The following ANKRD36B variants were observed in gnomAD, a reference collection of about 807,000 sequenced individuals.
ANKRD36B encodes ankyrin repeat domain 36B.
A neutral mutation model predicts 135.7 loss-of-function variants in ANKRD36B; 37 were observed. The ratio of observed to expected loss-of-function variants is 0.27; its 90% CI spans 0.21 to 0.36. The LOEUF (loss-of-function observed/expected upper bound fraction) is 0.36. ANKRD36B is among the 10% of genes least tolerant of loss of function. The probability of loss-of-function intolerance (pLI) is 1.00; values close to 1 mark genes in which losing one functional copy is unlikely to be tolerated. For missense variants in ANKRD36B, 549 were observed against 1,037.1 expected (o/e 0.53, Z 6.46); for synonymous variants, 179 against 348.1 (o/e 0.51, Z 5.41).
intron 5 of ANKRD36B, among the ~76,000 whole-genome samples, chr2:97,577,394 C>CT (rs2082303640): frequency 8.4e-6 from 1 of 118,674 alleles, no homozygotes; most frequent in Admixed American, 9.2e-5. Context: ...CCATGTGTTA[C>CT]TTATCTCCAT....
At chr2:97,553,045 C>T in intron 16 of ANKRD36B, 123 bp downstream of exon 16, 1 of 1,209,086 alleles carries the variant, frequency 8.3e-7, no homozygotes, top group Admixed American at 2.6e-5. Context: ...ACTCTCAGAC[C>T]TGCTGGATCA....
At chr2:97,582,368 A>G (rs2082687146) in intron 3 of ANKRD36B, among the ~76,000 whole-genome samples, 1 of 151,728 alleles carries the variant, frequency 6.6e-6, no homozygotes, top group Non-Finnish European at 1.5e-5. Flanking sequence ...AAAACCTTGA[A>G]ATATTTACTA....
intron 35 of ANKRD36B, among the ~76,000 whole-genome samples, chr2:97,531,411 TG>T (rs2078592084): frequency 5.4e-5 from 1 of 18,460 alleles, no homozygotes; most frequent in Admixed American, 6.9e-4. Flanking sequence ...TGTTGTGGGG[TG>T]GGGGGAGGGG....
chr2:97,563,635 C>T (rs1559202914), intron 6 of ANKRD36B, among the ~76,000 whole-genome samples: 1 of 152,036 alleles, frequency 6.6e-6, no homozygotes, highest in Non-Finnish European at 1.5e-5. Context: ...AACACTTTGA[C>T]CATCGGCCAT....
intron 8 of ANKRD36B, among the ~76,000 whole-genome samples, 198 bp from the exon 9 acceptor site, chr2:97,559,192 ACC>A (rs2080800808): frequency 6.6e-6 from 1 of 151,784 alleles, no homozygotes; most frequent in African/African-American, 2.4e-5. Context: ...CACAAAATAT[ACC>A]CTTACAATTT....
chr2:97,494,108 G>T (rs564286343), intron 43 of ANKRD36B, among the ~76,000 whole-genome samples: 1 of 106,816 alleles, frequency 9.4e-6, no homozygotes, highest in South Asian at 2.2e-4. Context: ...GCATTATCAG[G>T]TGTTTTTATA....
chr2:97,574,796 C>A (rs1040148059), intron 6 of ANKRD36B, among the ~76,000 whole-genome samples: 2 of 151,908 alleles, frequency 1.3e-5, no homozygotes, highest in African/African-American at 2.4e-5. Context: ...GATAAGAAGA[C>A]CACAGTTTTT....
At chr2:97,587,244 A>G (rs190992338) in intron 1 of ANKRD36B, among the ~76,000 whole-genome samples, 159 of 152,320 alleles carry the variant, frequency 1.0e-3, no homozygotes, top group South Asian at 3.7e-3. Context: ...TGCAAGATTT[A>G]TATTTCTTCT....
intron 6 of ANKRD36B, among the ~76,000 whole-genome samples, chr2:97,566,699 G>A (rs2104836854): frequency 6.6e-6 from 1 of 152,216 alleles, no homozygotes; most frequent in Non-Finnish European, 1.5e-5. Context: ...CAAAGAACAT[G>A]ATTTCTGGAC....
In ANKRD36B at chr2:97,589,669, G is replaced by A; in HGVS notation, c.17C>T (p.Ser6Leu). 2.5e-6 allele frequency: 4 copies of A among 1,614,178 alleles called. No individual in the cohort carries two copies. Among genetic ancestry groups the A allele is most frequent in the Non-Finnish European group, 3.4e-6 (4 of 1,180,024 alleles). Residue 6 changes from serine to leucine, a missense_variant, in exon 1 of 44, where the codon TCG (serine) becomes TTG (leucine). Physicochemically the swap from Ser to Leu is moderately radical, Grantham distance 145 (BLOSUM62 -2). Coordinates refer to ENST00000359901, the MANE Select transcript of ANKRD36B (RefSeq NM_001393939.1). The stretch of plus-strand genomic sequence containing the variant: ...GTAATGGGGAAATGCGAAGCCATCC[G>A]AGCACAAGCGCTCCATGAGGGTGGG... MERLC[S>L]DGFAFPHYYI...
At chr2:97,551,392 A>G (rs1307238874) in intron 17 of ANKRD36B, 31 bp from the exon 18 acceptor site, 1 of 1,604,294 alleles carries the variant, frequency 6.2e-7, no homozygotes, top group East Asian at 2.2e-5. Context: ...AATAATAAAT[A>G]AGGTATGTTT....
At chr2:97,565,537 C>G (rs1267634549) in intron 6 of ANKRD36B, among the ~76,000 whole-genome samples, 2 of 152,136 alleles carry the variant, frequency 1.3e-5, no homozygotes, top group African/African-American at 4.8e-5. Context: ...AAAAAGTGGG[C>G]AAAGGATATG....
Position 97,578,936 on chromosome 2 carries a change from T to C in ANKRD36B, c.665A>G (p.Glu222Gly), listed in dbSNP as rs1441346969. 1 of 1,612,902 alleles carries C rather than the reference T, an allele frequency of 6.2e-7. No homozygotes were observed. The highest frequency in any genetic ancestry group is 1.3e-5 in the African/African-American group (1 of 74,888). The change falls in exon 5 of 44, where the codon GAA becomes GGA. Residue 222 changes from glutamate to glycine, a missense_variant. Coordinates refer to ENST00000359901, the MANE Select transcript of ANKRD36B (RefSeq NM_001393939.1). ...FSRDVYGKLAEDYASEAENRV... is the reference protein window; with the variant it reads ...FSRDVYGKLAGDYASEAENRV... Reference sequence around the variant, plus strand: ...ATTCTCAGCCTCACTGGCATAATCTTCTGCAAGCTTTCCATACACATCTCG... The same window carrying C: ...ATTCTCAGCCTCACTGGCATAATCTCCTGCAAGCTTTCCATACACATCTCG...
At chr2:97,585,465 T>C (rs2082914095) in intron 1 of ANKRD36B, 67 bp from the exon 2 acceptor site, 3 of 1,496,310 alleles carry the variant, frequency 2.0e-6, no homozygotes, top group Non-Finnish European at 2.7e-6. Context: ...TATTTCTCTG[T>C]CTTCAAAACA....
chr2:97,573,712 C>T (rs1185756341), intron 6 of ANKRD36B, among the ~76,000 whole-genome samples: 12 of 152,168 alleles, frequency 7.9e-5, no homozygotes, highest in Admixed American at 3.3e-4. Flanking sequence ...TGGAACAGAA[C>T]AGAGCCATCA....
intron 20 of ANKRD36B, 25 bp downstream of exon 20, chr2:97,549,393 GA>G: frequency 6.5e-7 from 1 of 1,541,802 alleles, no homozygotes; most frequent in Non-Finnish European, 8.7e-7. Context: ...GACTGAACAT[GA>G]CATTAAATCT....
chr2:97,557,198 G>A, intron 10 of ANKRD36B, 66 bp from the exon 11 acceptor site: 1 of 1,494,704 alleles, frequency 6.7e-7, no homozygotes. Context: ...ATACATTCAT[G>A]CAGTGTTAGC....
At chr2:97,535,013 G>C (rs572717247) in intron 34 of ANKRD36B, among the ~76,000 whole-genome samples, 1 of 96,018 alleles carries the variant, frequency 1.0e-5, no homozygotes, top group South Asian at 2.4e-4. Context: ...CCTCTCATTC[G>C]CAATGACATG....
At position 97,580,658 on chromosome 2, in the gene ANKRD36B, T is replaced by C. The variant is rs890471659; in HGVS notation, c.451-90A>G. ...TTATGTAAGATCCTGTGAGCTTCAA[T>C]ATATACAATTGAAAGGTCGTAAGAG... On this transcript the variant is annotated intron_variant, in intron 3 of 43. Coordinates refer to ENST00000359901, the MANE Select transcript of ANKRD36B (RefSeq NM_001393939.1). The C allele has an allele frequency of 6.6e-5, 82 of 1,241,160 alleles. No individual in the cohort carries two copies. In the African/African-American group the frequency reaches 1.2e-3, roughly 19 times the overall value. 76.9% of individuals were successfully genotyped at this position (1,241,160 alleles called of 1,614,324 possible). A position where few individuals can be genotyped will look rare whatever the true frequency, so the allele number is the denominator to read the frequency against.
Sources: allele counts gnomAD v4.1 joint callset (sites outside exome capture counted in the v4.1 genomes callset), GRCh38; gene constraint gnomAD v4.1.1; transcripts MANE v1.5; gene names NCBI Gene and HGNC (gene_info 2026-07-23, HGNC 2026-07-21).